The following RAD54L2 variants were observed in gnomAD, a reference collection of about 807,000 sequenced individuals.
RAD54L2 encodes the protein helicase ARIP4.
In RAD54L2, 27 loss-of-function variants were observed where a neutral mutation model predicts 138.4. The observed-to-expected ratio is 0.20, with a 90% CI of 0.14 to 0.27. The LOEUF (loss-of-function observed/expected upper bound fraction) is 0.27, where lower values mean the gene tolerates loss of function less well. Ranked by LOEUF, RAD54L2 falls within the 10% of genes least tolerant of loss-of-function variation. The pLI, the probability that RAD54L2 is intolerant of heterozygous loss-of-function variation, is 1.00. For synonymous variants in RAD54L2, 644 were observed against 723.2 expected, an observed-to-expected ratio of 0.89 and a Z score of 1.76; for missense variants, 1,396 against 1,890.2, an observed-to-expected ratio of 0.74 and a Z score of 4.85.
chr3:51,621,986 T>C (rs1700578367), intron 3 of RAD54L2, among the ~76,000 whole-genome samples: 1 of 152,066 alleles, frequency 6.6e-6, no homozygotes, highest in African/African-American at 2.4e-5. Context: ...TTCAGGGCTG[T>C]GAAGTAGGAA....
chr3:51,592,599 T>G, intron 3 of RAD54L2, among the ~76,000 whole-genome samples: 1 of 151,924 alleles, frequency 6.6e-6, no homozygotes, highest in East Asian at 1.9e-4. Context: ...AAGCTTTTTT[T>G]TTTTTCTTTT....
At chr3:51,590,666 G>A (rs1699821086) in intron 3 of RAD54L2, 107 bp downstream of exon 3, 1 of 1,450,074 alleles carries the variant, frequency 6.9e-7, no homozygotes, top group South Asian at 1.2e-5. Context: ...GCCATCCATA[G>A]TGGGAAGATA....
intron 21 of RAD54L2, among the ~76,000 whole-genome samples, chr3:51,658,320 T>A (rs1421302195): frequency 2.6e-5 from 4 of 151,700 alleles, no homozygotes; most frequent in African/African-American, 9.7e-5. Flanking sequence ...GAATGGGTTA[T>A]AAGCCTACAT....
Position 51,660,087 on chromosome 3 carries a change from G to C in RAD54L2, c.3378G>C (p.Lys1126Asn), listed in dbSNP as rs770963235. 1.2e-6 allele frequency: 2 copies of C among 1,600,400 alleles called. No homozygotes were observed. Among genetic ancestry groups the C allele is most frequent in the African/African-American group, 2.7e-5 (2 of 74,776 alleles). The change falls in exon 22 of 23, where the codon AAG becomes AAC. Residue 1126 changes from lysine (K) to asparagine (N), a missense_variant. Transcript: ENST00000684192. ...IFAVRATGKP[K>N]VPEDGRMAAS... ...CTGTCCGGGCAACTGGCAAACCAAA[G>C]GTTCCTGAAGATGGTCGGATGGCTG...
chr3:51,565,871 C>T, intron 2 of RAD54L2, among the ~76,000 whole-genome samples: 1 of 149,688 alleles, frequency 6.7e-6, no homozygotes, highest in Non-Finnish European at 1.5e-5. Flanking sequence ...CTCTGTCACC[C>T]AGGCTGGAGT....
intron 3 of RAD54L2, among the ~76,000 whole-genome samples, chr3:51,621,633 G>C (rs368431701): frequency 1.3e-5 from 2 of 152,182 alleles, no homozygotes; most frequent in Non-Finnish European, 2.9e-5. Flanking sequence ...CTCTGGACTT[G>C]CCCTCTGTTC....
chr3:51,614,488 G>A (rs921481556), intron 3 of RAD54L2, among the ~76,000 whole-genome samples: 4 of 151,800 alleles, frequency 2.6e-5, no homozygotes, highest in Admixed American at 2.6e-4. Flanking sequence ...TGAGCAGTCA[G>A]AATGATCTTG....
chr3:51,654,535 ACT>A (rs996275674), intron 19 of RAD54L2, among the ~76,000 whole-genome samples: 1 of 151,984 alleles, frequency 6.6e-6, no homozygotes, highest in African/African-American at 2.4e-5. Context: ...AGAGAAAGTC[ACT>A]CTCTTTCAAA....
rs138825752 is a variant in RAD54L2 at position 51,617,494 on chromosome 3, A to T, written c.140-10059A>T. Reference sequence around the variant, plus strand: ...TTTCACATGTTCATTGGCTATTTGTATGTCTCTTTTTGTAAAGTATCTGTT... The same window carrying T: ...TTTCACATGTTCATTGGCTATTTGTTTGTCTCTTTTTGTAAAGTATCTGTT... On this transcript the variant is annotated intron_variant, in intron 3 of 22. Coordinates refer to ENST00000684192, the MANE Select transcript of RAD54L2 (RefSeq NM_015106.4). Among the ~76,000 whole-genome samples, 10 of 152,198 alleles carry T rather than the reference A, an allele frequency of 6.6e-5. 1 individual carries two copies. The East Asian group carries it at 1.9e-3, about 29-fold the overall frequency.
intron 2 of RAD54L2, among the ~76,000 whole-genome samples, chr3:51,571,983 TCTA>T (rs1699347332): frequency 1.3e-5 from 2 of 152,206 alleles, no homozygotes; most frequent in South Asian, 4.1e-4. Context: ...AAGCCTTTTT[TCTA>T]CTTTGCTATT....
chr3:51,594,269 C>T (rs1343656058), intron 3 of RAD54L2, among the ~76,000 whole-genome samples: 2 of 151,990 alleles, frequency 1.3e-5, no homozygotes, highest in African/African-American at 4.8e-5. Flanking sequence ...GACAGAGTTT[C>T]ACCATGTTGG....
chr3:51,627,633 A>G lies in RAD54L2; in HGVS notation c.220A>G (p.Thr74Ala). The G allele has an allele frequency of 6.3e-7, 1 of 1,589,896 alleles. No individual in the cohort carries two copies. Among genetic ancestry groups the G allele is most frequent in the Non-Finnish European group, 8.6e-7 (1 of 1,168,692 alleles). ...GCAGCAGCCGCCGCGGTGCACTTCA[A>G]CTACCTCATCTCAGTCTGAGCCTTC... Reference protein sequence around the residue: ...DGQQPPRCTSTTSSQSEPSEQ... With the variant: ...DGQQPPRCTSATSSQSEPSEQ... The change falls in exon 4 of 23, where the codon ACT becomes GCT. Residue 74 changes from threonine (T) to alanine (A), a missense_variant. Around this residue, in one of 7 missense-constraint regions of RAD54L2, gnomAD observed 256 missense variants for 344.6 expected, o/e 0.74. Transcript: ENST00000684192.
chr3:51,616,621 A>C (rs1700449159), intron 3 of RAD54L2, among the ~76,000 whole-genome samples: 1 of 152,122 alleles, frequency 6.6e-6, no homozygotes. Context: ...TGAGGTGAGG[A>C]GTTTGAGACC....
chr3:51,607,384 A>C (rs574388090), intron 3 of RAD54L2, among the ~76,000 whole-genome samples: 1 of 152,288 alleles, frequency 6.6e-6, no homozygotes, highest in South Asian at 2.1e-4. Context: ...TTTAACCCTT[A>C]GTGGACACAG....
chr3:51,626,404 T>C (rs1226950718), intron 3 of RAD54L2, among the ~76,000 whole-genome samples: 1 of 139,236 alleles, frequency 7.2e-6, no homozygotes, highest in African/African-American at 2.6e-5. Flanking sequence ...GTATTGGATG[T>C]TACAAATGAC....
chr3:51,574,787 TCTGTAGGTTGC>T (rs1699427296), intron 2 of RAD54L2, among the ~76,000 whole-genome samples: 1 of 152,220 alleles, frequency 6.6e-6, no homozygotes, highest in Non-Finnish European at 1.5e-5. Flanking sequence ...TTTCTCCCAT[TCTGTAGGTTGC>T]CTGTTCATTC....
Position 51,569,764 on chromosome 3 carries a change from A to G in RAD54L2, c.-54-20603A>G, listed in dbSNP as rs1320415056. Among the ~76,000 whole-genome samples, 11 of 152,234 alleles carry G rather than the reference A, an allele frequency of 7.2e-5. No homozygotes were observed. The South Asian group carries it at 2.3e-3, about 32-fold the overall frequency. On this transcript the variant is annotated intron_variant, in intron 2 of 22. Transcript: ENST00000684192. ...TTTTATTTGATGGATATATTTGTGC[A>G]TCATAGTGCCTGGCACAGTGTCTTT...
Position 51,592,068 on chromosome 3 carries a change from T to TG in RAD54L2, c.139+1509_139+1510insG, listed in dbSNP as rs1435761194. 1.2e-4 allele frequency among the ~76,000 whole-genome samples: 15 copies of TG among 121,760 alleles called. 1 individual carries two copies. The highest frequency in any genetic ancestry group is 1.8e-5 in the Non-Finnish European group (1 of 55,532). The allele number at this position is 121,760 out of a possible 152,430, so 79.9% of individuals were successfully genotyped here. ...TTGGTTTTGGTGTTTTTTTTTTTTT[T>TG]TTTTTTTTTTTTTTTGAGATGGAGT... On this transcript the variant is annotated intron_variant, in intron 3 of 22. Transcript: ENST00000684192.
chr3:51,592,964 C>T (rs954345953), intron 3 of RAD54L2, among the ~76,000 whole-genome samples: 4 of 152,192 alleles, frequency 2.6e-5, no homozygotes, highest in Non-Finnish European at 4.4e-5. Context: ...GTCCTTGCTG[C>T]CATCCCGTAG....
Sources: allele counts gnomAD v4.1 joint callset (sites outside exome capture counted in the v4.1 genomes callset), GRCh38; gene constraint gnomAD v4.1.1; regional missense constraint gnomAD v4.1.1; transcripts MANE v1.5; gene names NCBI Gene and HGNC (gene_info 2026-07-23, HGNC 2026-07-21).